KATNAL1: variants seen among roughly 807,000 people sequenced by gnomAD.
The protein encoded by KATNAL1 is katanin p60 ATPase-containing subunit A-like 1.
A neutral mutation model predicts 55.2 loss-of-function variants in KATNAL1; 32 were observed. The observed-to-expected ratio is 0.58, with a 90% CI of 0.44 to 0.78. KATNAL1 has a LOEUF of 0.78. KATNAL1 is among the 30% of genes least tolerant of loss of function. The pLI, the probability that KATNAL1 is intolerant of heterozygous loss-of-function variation, is 0.00. For missense variants in KATNAL1, 466 were observed against 600.9 expected (o/e 0.78, Z 2.35); for synonymous variants, 193 against 193.6 (o/e 1.00, Z 0.02).
intron 9 of KATNAL1, among the ~76,000 whole-genome samples, chr13:30,225,565 C>T (rs570515224): frequency 2.5e-4 from 37 of 150,880 alleles, no homozygotes; most frequent in Middle Eastern, 6.8e-3. Flanking sequence ...ATGAAGGTGC[C>T]GAAGTAATTC....
chr13:30,302,888 T>C (rs1459213538), intron 1 of KATNAL1, among the ~76,000 whole-genome samples: 1 of 152,178 alleles, frequency 6.6e-6, no homozygotes, highest in Non-Finnish European at 1.5e-5. Flanking sequence ...GTCCACAAAA[T>C]AACCATTCTA....
intron 3 of KATNAL1, among the ~76,000 whole-genome samples, chr13:30,273,808 A>C (rs1880555118): frequency 6.6e-6 from 1 of 152,194 alleles, no homozygotes; most frequent in Non-Finnish European, 1.5e-5. Flanking sequence ...AAATAACTAC[A>C]CGAATCCTAA....
chr13:30,305,954 A>G (rs918215653), intron 1 of KATNAL1, among the ~76,000 whole-genome samples: 1 of 152,180 alleles, frequency 6.6e-6, no homozygotes, highest in Non-Finnish European at 1.5e-5. Flanking sequence ...CCTACTTTCC[A>G]TCTCCTCCTT....
At chr13:30,289,216 T>C (rs73163496) in intron 1 of KATNAL1, among the ~76,000 whole-genome samples, 2 of 152,358 alleles carry the variant, frequency 1.3e-5, no homozygotes, top group Non-Finnish European at 2.9e-5. Flanking sequence ...ATTGGTAACA[T>C]CTGTCAACTC....
At chr13:30,283,071 C>T (rs937728428) in intron 2 of KATNAL1, among the ~76,000 whole-genome samples, 2 of 150,974 alleles carry the variant, frequency 1.3e-5, no homozygotes, top group African/African-American at 4.9e-5. Context: ...AATTCAAGAC[C>T]AGCCTGGCCA....
At position 30,230,433 on chromosome 13, in the gene KATNAL1, TGA is replaced by T. The variant is rs1035096239; in HGVS notation, c.1012+33_1012+34del. ...TGAGTTTACACAAAATATTTAAAAA[TGA>T]GAGTTTTGAAACAATAATTAAATAT... On this transcript the variant is annotated intron_variant, in intron 8 of 10. Coordinates refer to ENST00000380615, the MANE Select transcript of KATNAL1 (RefSeq NM_032116.5). The T allele has an allele frequency of 2.5e-6, 4 of 1,585,850 alleles. No individual in the cohort carries two copies. In the African/African-American group the frequency reaches 5.4e-5, roughly 21 times the overall value.
chr13:30,213,339 G>C (rs1295891094), intron 9 of KATNAL1, among the ~76,000 whole-genome samples: 1 of 152,158 alleles, frequency 6.6e-6, no homozygotes, highest in African/African-American at 2.4e-5. Flanking sequence ...AATTCCACCA[G>C]AGGTACAAGG....
intron 1 of KATNAL1, among the ~76,000 whole-genome samples, chr13:30,291,905 C>T (rs1566132973): frequency 6.6e-6 from 1 of 151,974 alleles, no homozygotes; most frequent in Non-Finnish European, 1.5e-5. Context: ...TGCGGTGGGG[C>T]ATGCCTGTAA....
At position 30,230,576 on chromosome 13, in the gene KATNAL1, T is replaced by C. The variant is rs1876001659; in HGVS notation, c.904A>G (p.Thr302Ala). ...TCTATCTCATCAATGAAGATCGTGGTAGGGGCATAAAATCTAGCCTTTATG... is the reference window on the plus strand; with the variant it reads ...TCTATCTCATCAATGAAGATCGTGGCAGGGGCATAAAATCTAGCCTTTATG... ...LFEMARFYAP[T>A]TIFIDEIDSI... Residue 302 changes from threonine to alanine, a missense_variant, in exon 8 of 11, where the codon ACC becomes GCC. Thr to Ala is a moderately conservative substitution (Grantham distance 58, BLOSUM62 0). Transcript: ENST00000380615. 5 of 1,606,964 alleles carry C rather than the reference T, an allele frequency of 3.1e-6. No individual in the cohort carries two copies. Among genetic ancestry groups the C allele is most frequent in the Non-Finnish European group, 4.3e-6 (5 of 1,175,556 alleles).
chr13:30,209,906 C>T (rs898173967), intron 10 of KATNAL1, among the ~76,000 whole-genome samples: 4 of 152,116 alleles, frequency 2.6e-5, no homozygotes, highest in African/African-American at 4.8e-5. Context: ...CTCAGCCTCC[C>T]GAGTAGCTGG....
chr13:30,219,224 T>C (rs1223465271), intron 9 of KATNAL1, among the ~76,000 whole-genome samples: 1 of 152,244 alleles, frequency 6.6e-6, no homozygotes, highest in Admixed American at 6.5e-5. Context: ...CCAAAATCAT[T>C]CTTTTCAGAT....
Position 30,208,744 on chromosome 13 carries a change from A to G in KATNAL1, c.1275-6T>C, listed in dbSNP as rs763368641. ...TTGCCATTAAAGAGGCATCCCTAAA[A>G]ATATACCAAAATCAGTCAACAGTAA... is the stretch of plus-strand genomic sequence containing the variant. On this transcript the variant is annotated splice_polypyrimidine_tract_variant and splice_region_variant and intron_variant, in intron 10 of 10. Coordinates refer to ENST00000380615, the MANE Select transcript of KATNAL1 (RefSeq NM_032116.5). 6.3e-7 allele frequency: 1 copy of G among 1,587,518 alleles called. No individual in the cohort carries two copies. The highest frequency in any genetic ancestry group is 8.6e-7 in the Non-Finnish European group (1 of 1,163,678).
intron 9 of KATNAL1, among the ~76,000 whole-genome samples, chr13:30,216,339 G>A (rs1263426667): frequency 6.6e-6 from 1 of 152,154 alleles, no homozygotes; most frequent in Non-Finnish European, 1.5e-5. Flanking sequence ...GGGAGCTGCT[G>A]AGTTCCAGGG....
intron 4 of KATNAL1, among the ~76,000 whole-genome samples, chr13:30,245,601 AG>A (rs1023984288): frequency 6.6e-6 from 1 of 152,210 alleles, no homozygotes; most frequent in Admixed American, 6.5e-5. Flanking sequence ...ATAGGAAGAG[AG>A]AAAGTCAAAT....
intron 1 of KATNAL1, among the ~76,000 whole-genome samples, chr13:30,291,349 A>T (rs1388100236): frequency 6.6e-6 from 1 of 152,266 alleles, no homozygotes; most frequent in Admixed American, 6.5e-5. Context: ...ATATTCAGGG[A>T]TAAATTTAAC....
chr13:30,252,259 C>T (rs953946914), intron 4 of KATNAL1, among the ~76,000 whole-genome samples: 17 of 152,126 alleles, frequency 1.1e-4, no homozygotes, highest in Admixed American at 5.2e-4. Flanking sequence ...AGCTTCAAAG[C>T]GGGCTTTTTT....
intron 3 of KATNAL1, among the ~76,000 whole-genome samples, chr13:30,260,011 C>T (rs139338512): frequency 5.9e-5 from 9 of 152,300 alleles, no homozygotes; most frequent in East Asian, 1.9e-4. Context: ...TCTCCCAGCA[C>T]GCAGCTGGAG....
intron 1 of KATNAL1, among the ~76,000 whole-genome samples, chr13:30,285,704 C>CAG (rs1881735442): frequency 1.3e-5 from 2 of 152,264 alleles, no homozygotes; most frequent in African/African-American, 4.8e-5. Context: ...GGGTAGCAGG[C>CAG]AGAGGTTGGA....
At chr13:30,263,715 G>A (rs1879502636) in intron 3 of KATNAL1, among the ~76,000 whole-genome samples, 1 of 140,028 alleles carries the variant, frequency 7.1e-6, no homozygotes, top group Non-Finnish European at 1.6e-5. Flanking sequence ...ACTGCTCAAG[G>A]AAATAAAAGA....
Sources: allele counts gnomAD v4.1 joint callset (sites outside exome capture counted in the v4.1 genomes callset), GRCh38; gene constraint gnomAD v4.1.1; transcripts MANE v1.5; gene names NCBI Gene and HGNC (gene_info 2026-07-23, HGNC 2026-07-21).